CADPS2: variants seen among roughly 807,000 people sequenced by gnomAD.
CADPS2 encodes the protein calcium dependent secretion activator 2, also known as calcium-dependent secretion activator 2.
In CADPS2, 93 loss-of-function variants were observed where a neutral mutation model predicts 172.5. The observed-to-expected ratio is 0.54, with a 90% CI of 0.46 to 0.64. The LOEUF is 0.64. CADPS2 is among the 30% of genes least tolerant of loss of function. The pLI is 0.00. For missense variants in CADPS2, 1,420 were observed against 1,565.9 expected (o/e 0.91, Z 1.57); for synonymous variants, 546 against 555.2 (o/e 0.98, Z 0.23).
chr7:122,687,892 A>G (rs2083840474), intron 2 of CADPS2, among the ~76,000 whole-genome samples: 1 of 152,234 alleles, frequency 6.6e-6, no homozygotes, highest in South Asian at 2.1e-4. Context: ...CTTAACATGT[A>G]TCAAGCCTTT....
chr7:122,483,983 G>A (rs980713212), intron 11 of CADPS2, among the ~76,000 whole-genome samples: 3 of 152,036 alleles, frequency 2.0e-5, no homozygotes, highest in African/African-American at 7.2e-5. Context: ...AGTGATACAT[G>A]GTATTCACAG....
intron 2 of CADPS2, among the ~76,000 whole-genome samples, chr7:122,733,481 G>A (rs553612977): frequency 1.6e-5 from 2 of 125,540 alleles, no homozygotes; most frequent in South Asian, 2.5e-4. Context: ...AAATGACAAT[G>A]TGAATCAAAA....
At chr7:122,653,874 A>G (rs2079448391) in intron 3 of CADPS2, among the ~76,000 whole-genome samples, 1 of 152,136 alleles carries the variant, frequency 6.6e-6, no homozygotes. Context: ...CAGACCAGCC[A>G]CTTCCTCATT....
At position 122,546,498 on chromosome 7, in the gene CADPS2, C is replaced by G. The variant is rs192454324; in HGVS notation, c.1475+8052G>C. Among the ~76,000 whole-genome samples, 52 of 152,280 alleles carry G rather than the reference C, an allele frequency of 3.4e-4. No homozygotes were observed. The East Asian group carries it at 4.1e-3, about 12-fold the overall frequency. On this transcript the variant is annotated intron_variant, in intron 8 of 29. Transcript: ENST00000449022. ...CCTGTATTTTTAGGCCATGTCCTAT[C>G]CTTTGCTATGTTCCATAAACACTCA...
intron 3 of CADPS2, among the ~76,000 whole-genome samples, chr7:122,630,458 G>C (rs1348812293): frequency 2.0e-5 from 3 of 152,098 alleles, no homozygotes; most frequent in Non-Finnish European, 4.4e-5. Flanking sequence ...GACACACACA[G>C]TGGTTCTTTT....
intron 6 of CADPS2, among the ~76,000 whole-genome samples, chr7:122,614,724 T>A (rs981045670): frequency 6.6e-6 from 1 of 152,194 alleles, no homozygotes; most frequent in Non-Finnish European, 1.5e-5. Flanking sequence ...GTACATTAAC[T>A]GCTTCTCTAG....
intron 9 of CADPS2, among the ~76,000 whole-genome samples, chr7:122,502,240 T>G (rs969492512): frequency 2.0e-5 from 3 of 152,150 alleles, no homozygotes; most frequent in Non-Finnish European, 4.4e-5. Context: ...AACATAAAAT[T>G]GTAATCTTTG....
chr7:122,866,777 T>C (rs1470649454), intron 1 of CADPS2, among the ~76,000 whole-genome samples: 2 of 152,138 alleles, frequency 1.3e-5, no homozygotes, highest in African/African-American at 4.8e-5. Flanking sequence ...CAAAGAGATG[T>C]TTTTAGAATC....
rs778567274 is a variant in CADPS2 at position 122,388,844 on chromosome 7, T to TA, written c.3009-107dup. ...CATCAATTGCCATCAGTGAAAAAAA[T>TA]ACCATATAAAGTCTCTAATGATCCA... On this transcript the variant is annotated intron_variant, in intron 22 of 29. Coordinates refer to ENST00000449022, the MANE Select transcript of CADPS2 (RefSeq NM_017954.11). The TA allele has an allele frequency of 3.7e-4, 380 of 1,033,916 alleles. 1 individual carries two copies. The highest frequency in any genetic ancestry group is 4.9e-4 in the Non-Finnish European group (370 of 749,436). 64.0% of individuals were successfully genotyped at this position (1,033,916 alleles called of 1,614,324 possible).
At chr7:122,691,348 T>C (rs188610396) in intron 2 of CADPS2, among the ~76,000 whole-genome samples, 170 of 152,358 alleles carry the variant, frequency 1.1e-3, no homozygotes, top group Non-Finnish European at 1.4e-3. Context: ...TCAGCTCCCT[T>C]CCACAGCTAG....
Position 122,458,951 on chromosome 7 carries a change from A to AT in CADPS2, c.2187-7477dup, listed in dbSNP as rs552041924. On this transcript the variant is annotated intron_variant, in intron 14 of 29. Transcript: ENST00000449022. ...TATCACCCTCTGCCCTATAACTAAT[A>AT]TTTTTAAAAAACAACATATATTGTA... Among the ~76,000 whole-genome samples, 205 of 152,232 alleles carry AT rather than the reference A, an allele frequency of 1.3e-3. 2 individuals are homozygous for AT. The South Asian group carries it at 0.017, about 12-fold the overall frequency.
chr7:122,833,905 T>G (rs1807413774), intron 1 of CADPS2, among the ~76,000 whole-genome samples: 1 of 152,170 alleles, frequency 6.6e-6, no homozygotes, highest in Non-Finnish European at 1.5e-5. Flanking sequence ...AATTGGAACA[T>G]GACATAACAA....
At chr7:122,500,989 T>TTG (rs1347719260) in intron 9 of CADPS2, among the ~76,000 whole-genome samples, 1 of 152,168 alleles carries the variant, frequency 6.6e-6, no homozygotes, top group Non-Finnish European at 1.5e-5. Context: ...GCACAGTGGC[T>TTG]TGTACCTGGA....
At chr7:122,441,754 A>G (rs2051382971) in intron 15 of CADPS2, among the ~76,000 whole-genome samples, 179 bp from the exon 16 acceptor site, 1 of 152,212 alleles carries the variant, frequency 6.6e-6, no homozygotes, top group African/African-American at 2.4e-5. Flanking sequence ...CTAGGATTTC[A>G]AAGACTTAAA....
At chr7:122,692,390 G>C (rs914764588) in intron 2 of CADPS2, among the ~76,000 whole-genome samples, 2 of 152,198 alleles carry the variant, frequency 1.3e-5, no homozygotes, top group African/African-American at 4.8e-5. Context: ...GCATCCTGCA[G>C]GGACTGGGCA....
intron 28 of CADPS2, among the ~76,000 whole-genome samples, chr7:122,337,864 C>G (rs1313603714): frequency 1.3e-5 from 2 of 150,142 alleles, no homozygotes; most frequent in Non-Finnish European, 3.0e-5. Flanking sequence ...AGAGGTCAAA[C>G]AACTTCAGTG....
chr7:122,715,151 T>C (rs1250859605), intron 2 of CADPS2, among the ~76,000 whole-genome samples: 4 of 152,190 alleles, frequency 2.6e-5, no homozygotes, highest in African/African-American at 9.6e-5. Context: ...ATTGGTCATT[T>C]AAGTTTCCTA....
intron 6 of CADPS2, among the ~76,000 whole-genome samples, chr7:122,609,411 C>T (rs12706423): frequency 0.14 from 22,034 of 152,018 alleles, 1,754 homozygotes; most frequent in African/African-American, 0.2. Context: ...ACAATTCCTC[C>T]GTATCTCATT....
intron 14 of CADPS2, among the ~76,000 whole-genome samples, chr7:122,452,188 T>C (rs182611080): frequency 6.6e-6 from 1 of 152,196 alleles, no homozygotes; most frequent in Non-Finnish European, 1.5e-5. Flanking sequence ...AACAGAAATT[T>C]AGAATTTATT....
Sources: gnomAD v4.1 joint callset for allele counts (sites outside exome capture counted in the v4.1 genomes callset) on GRCh38, gnomAD v4.1.1 for gene constraint, MANE v1.5 for transcripts, NCBI Gene and HGNC (gene_info 2026-07-23, HGNC 2026-07-21) for gene names.